The following CTNNA3 variants were observed in gnomAD, a reference collection of about 807,000 sequenced individuals.
The protein encoded by CTNNA3 is catenin alpha-3.
A neutral mutation model predicts 95.7 loss-of-function variants in CTNNA3; 76 were observed. That is an observed-to-expected ratio of 0.79 (90% confidence interval 0.66 to 0.96). The LOEUF is 0.96. Ranked by LOEUF, CTNNA3 falls within the 40% of genes least tolerant of loss-of-function variation. The pLI is 0.00. For missense variants in CTNNA3, 1,191 were observed against 1,089.8 expected (o/e 1.09, Z -1.31); for synonymous variants, 431 against 374.4 (o/e 1.15, Z -1.74).
At chr10:66,524,997 C>T (rs2939916) in intron 10 of CTNNA3, among the ~76,000 whole-genome samples, 84,492 of 151,422 alleles carry the variant, frequency 0.56, 24,392 homozygotes, top group Middle Eastern at 0.72. Context: ...TGTGGTGAGC[C>T]GAGATCGCAC....
intron 3 of CTNNA3, among the ~76,000 whole-genome samples, chr10:67,576,021 CAG>C (rs1191510473): frequency 6.6e-6 from 1 of 152,246 alleles, no homozygotes; most frequent in Non-Finnish European, 1.5e-5. Context: ...TCACCTGAAA[CAG>C]AGAATGAATC....
At chr10:67,481,035 T>C (rs1411021742) in intron 5 of CTNNA3, among the ~76,000 whole-genome samples, 2 of 152,240 alleles carry the variant, frequency 1.3e-5, no homozygotes, top group South Asian at 2.1e-4. Context: ...AAAAGGTTTT[T>C]CTGTGTCCAT....
At chr10:66,800,404 A>G (rs1165559000) in intron 7 of CTNNA3, among the ~76,000 whole-genome samples, 1 of 151,196 alleles carries the variant, frequency 6.6e-6, no homozygotes, top group African/African-American at 2.4e-5. Context: ...CCATGGAATT[A>G]TAGGTTTTAT....
At chr10:66,657,455 T>C (rs1297676725) in intron 9 of CTNNA3, among the ~76,000 whole-genome samples, 1 of 152,158 alleles carries the variant, frequency 6.6e-6, no homozygotes, top group Non-Finnish European at 1.5e-5. Context: ...TTATGATCCA[T>C]AGGCATCACA....
intron 10 of CTNNA3, among the ~76,000 whole-genome samples, chr10:66,576,238 C>G (rs61867464): frequency 0.21 from 32,164 of 152,056 alleles, 4,576 homozygotes; most frequent in Middle Eastern, 0.41. Context: ...GTCATCTCAC[C>G]TAAGATTCTG....
chr10:66,634,319 A>G (rs1845260817), intron 9 of CTNNA3, among the ~76,000 whole-genome samples: 1 of 152,156 alleles, frequency 6.6e-6, no homozygotes, highest in African/African-American at 2.4e-5. Flanking sequence ...ATGATTACAT[A>G]GAAAAAAATG....
chr10:66,487,190 T>A (rs1473432095), intron 11 of CTNNA3, among the ~76,000 whole-genome samples: 5 of 104,874 alleles, frequency 4.8e-5, no homozygotes, highest in African/African-American at 2.2e-4. Flanking sequence ...GATTTTTTTT[T>A]TTTTTTTTTT....
intron 15 of CTNNA3, among the ~76,000 whole-genome samples, chr10:66,002,388 G>A (rs2078788030): frequency 6.6e-6 from 1 of 152,130 alleles, no homozygotes. Context: ...TTAGTATCCT[G>A]AAGAACTTTT....
intron 1 of CTNNA3, among the ~76,000 whole-genome samples, chr10:67,713,445 A>G (rs1841124109): frequency 6.6e-6 from 1 of 152,234 alleles, no homozygotes; most frequent in Non-Finnish European, 1.5e-5. Context: ...TATATACCCA[A>G]AGGATTATAA....
In CTNNA3 at chr10:66,478,953, C is replaced by T. The variant is rs192496214; in HGVS notation, c.1531+41664G>A. ...ATTTTCCCCCTTATAGATAATAATT[C>T]TTATGTCTGGTTAAGAAATTTTTTT... On this transcript the variant is annotated intron_variant, in intron 11 of 17. Coordinates refer to ENST00000433211, the MANE Select transcript of CTNNA3 (RefSeq NM_013266.4). Among the ~76,000 whole-genome samples the T allele has an allele frequency of 3.3e-5, 5 of 151,818 alleles. No homozygotes were observed. In the East Asian group the frequency reaches 7.7e-4, roughly 23 times the overall value.
intron 7 of CTNNA3, among the ~76,000 whole-genome samples, chr10:67,168,640 T>C (rs1233789282): frequency 1.3e-5 from 2 of 152,078 alleles, no homozygotes; most frequent in African/African-American, 4.8e-5. Context: ...ATCAAAATAA[T>C]AAGAGCCATC....
chr10:66,313,265 GT>G (rs2132266253), intron 12 of CTNNA3, among the ~76,000 whole-genome samples: 1 of 152,296 alleles, frequency 6.6e-6, no homozygotes, highest in Non-Finnish European at 1.5e-5. Flanking sequence ...TAGATAGCTA[GT>G]AAGTGATCAG....
chr10:66,093,250 A>G (rs2081277290), intron 14 of CTNNA3, among the ~76,000 whole-genome samples: 2 of 152,064 alleles, frequency 1.3e-5, no homozygotes, highest in African/African-American at 2.4e-5. Context: ...TTTAAATTCA[A>G]GTAAAGAACT....
intron 13 of CTNNA3, among the ~76,000 whole-genome samples, chr10:66,226,280 G>C (rs1394499719): frequency 2.0e-5 from 3 of 151,974 alleles, no homozygotes; most frequent in Non-Finnish European, 4.4e-5. Flanking sequence ...AGATATCTAG[G>C]TTTGTCAGCA....
intron 2 of CTNNA3, among the ~76,000 whole-genome samples, chr10:67,614,597 T>C (rs1843587477): frequency 6.6e-6 from 1 of 152,138 alleles, no homozygotes; most frequent in Admixed American, 6.5e-5. Flanking sequence ...GCTCAGGCAG[T>C]AATGCAAGCG....
At chr10:67,208,378 C>CAAAAAAAAAA (rs3056794) in intron 6 of CTNNA3, among the ~76,000 whole-genome samples, 7 of 93,180 alleles carry the variant, frequency 7.5e-5, no homozygotes, top group African/African-American at 2.4e-4. Context: ...GACTCTGTCT[C>CAAAAAAAAAA]AAAAAAAAAA....
At chr10:67,349,881 A>G (rs551265544) in intron 5 of CTNNA3, among the ~76,000 whole-genome samples, 1 of 152,218 alleles carries the variant, frequency 6.6e-6, no homozygotes, top group African/African-American at 2.4e-5. Flanking sequence ...TCATACTCAG[A>G]CATGGATTAA....
intron 7 of CTNNA3, among the ~76,000 whole-genome samples, chr10:66,868,794 A>G (rs930713754): frequency 6.6e-6 from 1 of 152,004 alleles, no homozygotes; most frequent in African/African-American, 2.4e-5. Context: ...CCTTCAAAAA[A>G]CTTACTGTGA....
chr10:66,052,141 C>T (rs2079972042), intron 15 of CTNNA3, among the ~76,000 whole-genome samples: 2 of 151,994 alleles, frequency 1.3e-5, no homozygotes, highest in Admixed American at 1.3e-4. Flanking sequence ...TACTAAAGGG[C>T]CATTTTGCCA....
Sources: allele counts gnomAD v4.1 joint callset (sites outside exome capture counted in the v4.1 genomes callset), GRCh38; gene constraint gnomAD v4.1.1; transcripts MANE v1.5; gene names NCBI Gene and HGNC (gene_info 2026-07-23, HGNC 2026-07-21).